MTHFD1L: variants seen among roughly 807,000 people sequenced by gnomAD.
The protein encoded by MTHFD1L is methylenetetrahydrofolate dehydrogenase (NADP+ dependent) 1 like.
A neutral mutation model predicts 119.5 loss-of-function variants in MTHFD1L; 81 were observed. The ratio of observed to expected loss-of-function variants is 0.68; its 90% CI spans 0.57 to 0.82. The LOEUF (loss-of-function observed/expected upper bound fraction) is 0.82, where lower values mean the gene tolerates loss of function less well. MTHFD1L is among the 40% of genes least tolerant of loss of function. MTHFD1L has a pLI of 0.00. For synonymous variants in MTHFD1L, 430 were observed against 475.2 expected (o/e 0.90, Z 1.24); for missense variants, 1,125 against 1,253.4 (o/e 0.90, Z 1.55).
At chr6:151,037,796 G>A (rs1165013864) in intron 26 of MTHFD1L, among the ~76,000 whole-genome samples, 1 of 152,178 alleles carries the variant, frequency 6.6e-6, no homozygotes, top group Admixed American at 6.5e-5. Context: ...CGTTGGTACC[G>A]TCAGTGGCCT....
At chr6:150,993,136 A>G (rs1779276004) in intron 20 of MTHFD1L, among the ~76,000 whole-genome samples, 1 of 152,086 alleles carries the variant, frequency 6.6e-6, no homozygotes, top group Non-Finnish European at 1.5e-5. Context: ...AATTGCATAG[A>G]TGTTTTGGTT....
At chr6:150,971,906 T>G in intron 19 of MTHFD1L, 41 bp from the exon 20 acceptor site, 1 of 1,563,408 alleles carries the variant, frequency 6.4e-7, no homozygotes, top group Non-Finnish European at 8.8e-7. Flanking sequence ...CATGCTTCTG[T>G]TTGTCTTTTG....
intron 16 of MTHFD1L, among the ~76,000 whole-genome samples, chr6:150,949,393 T>A (rs1451371176): frequency 6.6e-6 from 1 of 152,042 alleles, no homozygotes; most frequent in East Asian, 1.9e-4. Flanking sequence ...AATTACCTAA[T>A]TTTCTCTTCT....
At chr6:151,031,453 A>T (rs1785328679) in intron 24 of MTHFD1L, among the ~76,000 whole-genome samples, 3 of 152,226 alleles carry the variant, frequency 2.0e-5, no homozygotes, top group Admixed American at 2.0e-4. Flanking sequence ...GAGCGCCCCA[A>T]GGGCATCTAG....
At chr6:150,970,210 G>T (rs905271736) in intron 19 of MTHFD1L, among the ~76,000 whole-genome samples, 6 of 152,168 alleles carry the variant, frequency 3.9e-5, no homozygotes, top group African/African-American at 7.2e-5. Flanking sequence ...TAAGAATATT[G>T]ATTGATTGAT....
chr6:151,045,330 C>T (rs576219170), intron 26 of MTHFD1L, among the ~76,000 whole-genome samples: 1 of 152,270 alleles, frequency 6.6e-6, no homozygotes, highest in South Asian at 2.1e-4. Flanking sequence ...GTGCAGAACG[C>T]CACTCCCCCC....
At chr6:150,954,649 A>G (rs1162839825) in intron 16 of MTHFD1L, among the ~76,000 whole-genome samples, 1 of 151,910 alleles carries the variant, frequency 6.6e-6, no homozygotes, top group East Asian at 1.9e-4. Flanking sequence ...AGATCACGCC[A>G]CTGCACTCCA....
chr6:150,978,817 A>G (rs1777010311), intron 20 of MTHFD1L, among the ~76,000 whole-genome samples: 1 of 152,190 alleles, frequency 6.6e-6, no homozygotes, highest in Non-Finnish European at 1.5e-5. Flanking sequence ...TCCACGATCA[A>G]TCAGAGAGTA....
At chr6:151,001,810 C>G (rs934394411) in intron 20 of MTHFD1L, among the ~76,000 whole-genome samples, 2 of 152,088 alleles carry the variant, frequency 1.3e-5, no homozygotes, top group Non-Finnish European at 2.9e-5. Context: ...CAGAATACTC[C>G]CTGCTGCTGC....
Position 151,036,955 on chromosome 6 carries a change from T to C in MTHFD1L, c.2695-10T>C, listed in dbSNP as rs544341905. 6.2e-7 allele frequency: 1 copy of C among 1,611,944 alleles called. No homozygotes were observed. The highest frequency in any genetic ancestry group is 1.3e-5 in the African/African-American group (1 of 74,990). Reference sequence around the variant, plus strand: ...GTATCAGTGAACACATTTTCTTTCCTTTCTCACAGGGTTTTGGAAATTTGC... The same window carrying C: ...GTATCAGTGAACACATTTTCTTTCCCTTCTCACAGGGTTTTGGAAATTTGC... On this transcript the variant is annotated splice_polypyrimidine_tract_variant and intron_variant, in intron 25 of 27. Coordinates refer to ENST00000367321, the MANE Select transcript of MTHFD1L (RefSeq NM_015440.5).
At chr6:151,032,407 C>T (rs751176997) in intron 24 of MTHFD1L, among the ~76,000 whole-genome samples, 1 of 152,094 alleles carries the variant, frequency 6.6e-6, no homozygotes, top group Non-Finnish European at 1.5e-5. Flanking sequence ...AGCAGACCTC[C>T]TGAGAACTCA....
chr6:150,918,785 G>A (rs1458769048), intron 9 of MTHFD1L, 117 bp downstream of exon 9: 9 of 757,248 alleles, frequency 1.2e-5, no homozygotes, highest in East Asian at 2.5e-5. Flanking sequence ...CACACACAGT[G>A]TTAGGCCCAT....
intron 19 of MTHFD1L, among the ~76,000 whole-genome samples, chr6:150,969,310 C>T (rs533082811): frequency 1.3e-5 from 2 of 152,216 alleles, no homozygotes; most frequent in East Asian, 3.9e-4. Context: ...TAATCTAAAC[C>T]TGTTATTTCT....
chr6:151,091,375 G>A (rs1302650489), intron 26 of MTHFD1L, among the ~76,000 whole-genome samples: 7 of 152,280 alleles, frequency 4.6e-5, no homozygotes, highest in South Asian at 2.1e-4. Flanking sequence ...TGGGTCATCC[G>A]GGAGCCCCAG....
intron 24 of MTHFD1L, among the ~76,000 whole-genome samples, chr6:151,020,827 C>T (rs1210503789): frequency 1.3e-5 from 2 of 152,146 alleles, no homozygotes; most frequent in Non-Finnish European, 2.9e-5. Context: ...AGAATATCTC[C>T]ATGTCTGCAG....
At chr6:150,971,408 A>C (rs1797985716) in intron 19 of MTHFD1L, among the ~76,000 whole-genome samples, 1 of 152,138 alleles carries the variant, frequency 6.6e-6, no homozygotes, top group Non-Finnish European at 1.5e-5. Context: ...ACTGTTGGCC[A>C]GGCCAGTCTT....
At chr6:151,059,079 G>T (rs1584359264) in intron 26 of MTHFD1L, among the ~76,000 whole-genome samples, 1 of 152,196 alleles carries the variant, frequency 6.6e-6, no homozygotes, top group African/African-American at 2.4e-5. Context: ...AAGGAGTCGG[G>T]CTCTCTGGGC....
chr6:151,035,074 CA>C (rs1785961003), intron 25 of MTHFD1L, among the ~76,000 whole-genome samples: 1 of 151,566 alleles, frequency 6.6e-6, no homozygotes, highest in Non-Finnish European at 1.5e-5. Flanking sequence ...TCTTCTTATG[CA>C]AGCGGTTCAC....
chr6:150,894,918 T>C (rs1783965021), intron 7 of MTHFD1L, among the ~76,000 whole-genome samples: 1 of 152,208 alleles, frequency 6.6e-6, no homozygotes, highest in Admixed American at 6.5e-5. Flanking sequence ...ATAAATTTCC[T>C]GTTCTGTTTC....
Sources: allele counts gnomAD v4.1 joint callset (sites outside exome capture counted in the v4.1 genomes callset), GRCh38; gene constraint gnomAD v4.1.1; transcripts MANE v1.5; gene names NCBI Gene and HGNC (gene_info 2026-07-23, HGNC 2026-07-21).